MYO6: variants seen among roughly 807,000 people sequenced by gnomAD.
The protein encoded by MYO6 is myosin VI.
A neutral mutation model predicts 178.7 loss-of-function variants in MYO6; 74 were observed. The observed-to-expected ratio is 0.41, with a 90% CI of 0.34 to 0.50. The LOEUF (loss-of-function observed/expected upper bound fraction) is 0.50. MYO6 is among the 20% of genes least tolerant of loss of function. MYO6 has a pLI of 0.09. For missense variants in MYO6, 1,330 were observed against 1,547.4 expected, an observed-to-expected ratio of 0.86 and a Z score of 2.36; for synonymous variants, 477 against 504.6, an observed-to-expected ratio of 0.95 and a Z score of 0.73.
chr6:75,903,795 G>A (rs1309568561), intron 30 of MYO6, among the ~76,000 whole-genome samples: 3 of 151,736 alleles, frequency 2.0e-5, no homozygotes, highest in East Asian at 1.9e-4. Flanking sequence ...GATTTTGCTA[G>A]TTAGTTGATG....
intron 28 of MYO6, 47 bp from the exon 29 acceptor site, chr6:75,895,184 A>G (rs746476362): frequency 4.9e-6 from 7 of 1,433,826 alleles, no homozygotes; most frequent in Non-Finnish European, 6.8e-6. Flanking sequence ...AGATTTTCAC[A>G]GTTCACAATT....
At chr6:75,889,807 T>G (rs1029656023) in intron 25 of MYO6, among the ~76,000 whole-genome samples, 1 of 152,226 alleles carries the variant, frequency 6.6e-6, no homozygotes, top group African/African-American at 2.4e-5. Flanking sequence ...CATAAAACAT[T>G]TTTTGAATAG....
intron 11 of MYO6, among the ~76,000 whole-genome samples, chr6:75,852,663 T>C (rs978184714): frequency 1.3e-5 from 2 of 152,244 alleles, no homozygotes; most frequent in Non-Finnish European, 2.9e-5. Flanking sequence ...ATCCATGTTA[T>C]AGCATTTAGC....
chr6:75,862,129 G>A (rs1414214965), intron 15 of MYO6, among the ~76,000 whole-genome samples: 3 of 152,188 alleles, frequency 2.0e-5, no homozygotes, highest in African/African-American at 7.2e-5. Context: ...GTTTTGGACA[G>A]GAAGGAATTT....
chr6:75,791,917 G>T (rs1249972095), intron 1 of MYO6, among the ~76,000 whole-genome samples: 3 of 151,694 alleles, frequency 2.0e-5, no homozygotes, highest in Non-Finnish European at 2.9e-5. Context: ...TTAAAACGCA[G>T]AATTTTTCTG....
intron 1 of MYO6, among the ~76,000 whole-genome samples, chr6:75,795,052 T>C (rs960860454): frequency 1.3e-5 from 2 of 152,226 alleles, no homozygotes; most frequent in Admixed American, 6.5e-5. Flanking sequence ...GTGTAATTAA[T>C]TCCAGAGAAT....
intron 20 of MYO6, among the ~76,000 whole-genome samples, chr6:75,879,418 T>A (rs1046228886): frequency 7.6e-6 from 1 of 131,742 alleles, no homozygotes; most frequent in African/African-American, 2.6e-5. Context: ...CTGATTTCTC[T>A]ATTTTTTTTT....
At chr6:75,797,025 T>G (rs1167381245) in intron 1 of MYO6, among the ~76,000 whole-genome samples, 1 of 152,218 alleles carries the variant, frequency 6.6e-6, no homozygotes, top group Admixed American at 6.5e-5. Context: ...CTGTTGTGAA[T>G]AGTGCTGTGA....
At chr6:75,845,145 C>T (rs1367149037) in intron 10 of MYO6, among the ~76,000 whole-genome samples, 168 bp downstream of exon 10, 1 of 151,972 alleles carries the variant, frequency 6.6e-6, no homozygotes, top group Non-Finnish European at 1.5e-5. Flanking sequence ...ATACTTTATA[C>T]CTCTTGTTGT....
At chr6:75,895,880 A>G in intron 29 of MYO6, among the ~76,000 whole-genome samples, 1 of 152,200 alleles carries the variant, frequency 6.6e-6, no homozygotes, top group South Asian at 2.1e-4. Context: ...GTGTGGAGGC[A>G]TAAATAATAA....
intron 13 of MYO6, 101 bp downstream of exon 13, chr6:75,857,355 A>G: frequency 1.7e-6 from 2 of 1,189,752 alleles, no homozygotes; most frequent in Admixed American, 3.5e-5. Context: ...ATTTTACTTG[A>G]TGTATGTGTA....
rs1562157749 is a variant in MYO6 at position 75,787,684 on chromosome 6, CT to C, written c.-47-29816del. 6.1e-3 allele frequency among the ~76,000 whole-genome samples: 90 copies of C among 14,640 alleles called. 1 individual carries two copies. The highest frequency in any genetic ancestry group is 7.9e-3 in the Non-Finnish European group (80 of 10,114). The allele number at this position is 14,640 out of a possible 152,430, so 9.6% of individuals were successfully genotyped here. On this transcript the variant is annotated intron_variant, in intron 1 of 34. Coordinates refer to ENST00000369977, the MANE Select transcript of MYO6 (RefSeq NM_004999.4). ...ATGGGGGAATGGAACTATTCTCTCTCTCTCTCTCTCTCTCTCTCTCTCTCTC... is the reference window on the plus strand; with the variant it reads ...ATGGGGGAATGGAACTATTCTCTCTCCTCTCTCTCTCTCTCTCTCTCTCTC...
intron 7 of MYO6, among the ~76,000 whole-genome samples, chr6:75,838,674 T>C (rs1470968511): frequency 6.6e-6 from 1 of 151,658 alleles, no homozygotes; most frequent in East Asian, 1.9e-4. Flanking sequence ...CTTCTTGTTT[T>C]TTTTTGAGTT....
At chr6:75,765,789 G>C (rs572335268) in intron 1 of MYO6, among the ~76,000 whole-genome samples, 4 of 152,110 alleles carry the variant, frequency 2.6e-5, no homozygotes, top group African/African-American at 7.2e-5. Context: ...CACTTTGGGA[G>C]GTTGAGGTGG....
intron 1 of MYO6, among the ~76,000 whole-genome samples, chr6:75,791,998 T>C (rs1768298956): frequency 6.6e-6 from 1 of 152,204 alleles, no homozygotes; most frequent in African/African-American, 2.4e-5. Context: ...GTTGGCACAG[T>C]TCAGTTGACA....
At chr6:75,848,644 T>C (rs575258078) in intron 11 of MYO6, 113 bp downstream of exon 11, 41 of 992,760 alleles carry the variant, frequency 4.1e-5, no homozygotes, top group Non-Finnish European at 5.5e-5. Flanking sequence ...TTAAGAAATA[T>C]CTAAAATATA....
intron 29 of MYO6, among the ~76,000 whole-genome samples, chr6:75,896,264 ATGT>A (rs1384477590): frequency 6.6e-6 from 1 of 152,216 alleles, no homozygotes; most frequent in Non-Finnish European, 1.5e-5. Context: ...CAAACAATAT[ATGT>A]AAAGGAGAAA....
At chr6:75,826,211 T>A (rs1772453130) in intron 3 of MYO6, among the ~76,000 whole-genome samples, 1 of 152,184 alleles carries the variant, frequency 6.6e-6, no homozygotes, top group African/African-American at 2.4e-5. Flanking sequence ...TTGCAAATAT[T>A]TTCCTCTCCC....
At chr6:75,785,606 C>T (rs143948810) in intron 1 of MYO6, among the ~76,000 whole-genome samples, 2 of 151,198 alleles carry the variant, frequency 1.3e-5, no homozygotes, top group East Asian at 1.9e-4. Context: ...AATATAGGCA[C>T]GTGCTACCAC....
Sources: gnomAD v4.1 joint callset for allele counts (sites outside exome capture counted in the v4.1 genomes callset) on GRCh38, gnomAD v4.1.1 for gene constraint, MANE v1.5 for transcripts, NCBI Gene and HGNC (gene_info 2026-07-23, HGNC 2026-07-21) for gene names.